The following CLASRP variants were observed in gnomAD, a reference collection of about 807,000 sequenced individuals.
The protein encoded by CLASRP is CLK4 associating serine/arginine rich protein.
Under a neutral mutation model 99.9 loss-of-function variants are expected in CLASRP, and 52 were observed. That is an observed-to-expected ratio of 0.52 (90% confidence interval 0.42 to 0.66). CLASRP has a LOEUF of 0.66. Among genes scored for constraint, CLASRP ranks in the 30% least tolerant of loss-of-function variants. The probability of loss-of-function intolerance (pLI) is 0.00; values close to 1 mark genes in which losing one functional copy is unlikely to be tolerated. For missense variants in CLASRP, 848 were observed against 999.2 expected, an observed-to-expected ratio of 0.85 and a Z score of 2.04; for synonymous variants, 379 against 373.0, an observed-to-expected ratio of 1.02 and a Z score of -0.18.
rs1271379783 is a variant in CLASRP, at chr19:45,060,065, C to A, written c.711-324C>A. Among the ~76,000 whole-genome samples the A allele has an allele frequency of 1.3e-5, 2 of 152,158 alleles. No individual in the cohort carries two copies. Among genetic ancestry groups the A allele is most frequent in the African/African-American group, 4.8e-5 (2 of 41,442 alleles). On this transcript the variant is annotated intron_variant, in intron 8 of 20. Transcript: ENST00000221455. The surrounding 1 kb of genome is among the most constrained non-coding windows in gnomAD (Gnocchi z 4.6). ...CTGTTTTGTGTGGCTTCCCTGAGCT[C>A]CCTCTTGAAAACTGCAGCTTCCTCT...
intron 13 of CLASRP, among the ~76,000 whole-genome samples, chr19:45,065,067 G>A (rs183896746): frequency 2.0e-5 from 3 of 152,106 alleles, no homozygotes. Flanking sequence ...GGCCAGGAGC[G>A]GATGGGGAAG....
chr19:45,070,109 G>A lies in CLASRP; in HGVS notation c.1957+5G>A. On this transcript the variant is annotated splice_donor_5th_base_variant and intron_variant, in intron 19 of 20. Coordinates refer to ENST00000221455, the MANE Select transcript of CLASRP (RefSeq NM_007056.3). ...GCTCACCCTCCCCCCGATACAGTGA[G>A]TGTCCCCACCAGGCTGCAGGGCTCT... 1.3e-6 allele frequency: 2 copies of A among 1,544,922 alleles called. No homozygotes were observed. Among genetic ancestry groups the A allele is most frequent in the Non-Finnish European group, 1.8e-6 (2 of 1,116,862 alleles).
At chr19:45,061,404 C>T (rs1376558664) in intron 10 of CLASRP, among the ~76,000 whole-genome samples, 3 of 151,962 alleles carry the variant, frequency 2.0e-5, no homozygotes, top group Non-Finnish European at 2.9e-5. Context: ...TTATGAGCTA[C>T]GTAATGCTGG....
Position 45,057,831 on chromosome 19 carries a change from AGAG to A in CLASRP, c.556_558del (p.Glu186del), listed in dbSNP as rs1410009723. The A allele has an allele frequency of 1.2e-6, 2 of 1,613,950 alleles. No homozygotes were observed. Among genetic ancestry groups the A allele is most frequent in the Admixed American group, 1.7e-5 (1 of 59,992 alleles). ...AGGTAGAGAAGGCGGCAGAAAAGCCAGAGGAGGAGGAGTCAGCGGCCGAGGAGG... is the reference window on the plus strand; with the variant it reads ...AGGTAGAGAAGGCGGCAGAAAAGCCAGAGGAGGAGTCAGCGGCCGAGGAGG... On this transcript the variant is annotated inframe_deletion, in exon 7 of 21. Transcript: ENST00000221455.
intron 15 of CLASRP, 100 bp from the exon 16 acceptor site, chr19:45,068,320 C>CT: frequency 1.6e-6 from 1 of 622,660 alleles, no homozygotes; most frequent in Non-Finnish European, 2.9e-6. Context: ...CTCCCCCCCC[C>CT]ACCCCCCCCC....
intron 2 of CLASRP, among the ~76,000 whole-genome samples, chr19:45,046,441 C>G (rs1007615129): frequency 6.6e-6 from 1 of 152,184 alleles, no homozygotes; most frequent in South Asian, 2.1e-4. Flanking sequence ...GGTCGCAGCT[C>G]AGGCGTCGCC....
chr19:45,061,224 G>A (rs556171081), intron 10 of CLASRP, among the ~76,000 whole-genome samples: 1 of 152,268 alleles, frequency 6.6e-6, no homozygotes, highest in East Asian at 1.9e-4. Context: ...GAGAGTTCCT[G>A]TAAGGCTTAA....
Position 45,070,873 on chromosome 19 carries a change from A to AAG in CLASRP, c.*28_*29insAG. ...AGAAGAGTGGGGGGTGGGGAGGACAAGGGGGTGGGTAAGGGGCTCAAGCTG... is the reference window on the plus strand; with the variant it reads ...AGAAGAGTGGGGGGTGGGGAGGACAAAGGGGGGTGGGTAAGGGGCTCAAGCTG... On this transcript the variant is annotated 3_prime_UTR_variant, in exon 21 of 21. Transcript: ENST00000221455. 1.3e-5 allele frequency: 8 copies of AAG among 609,036 alleles called. No homozygotes were observed. Among genetic ancestry groups the AAG allele is most frequent in the Non-Finnish European group, 2.0e-5 (7 of 341,556 alleles). 37.7% of individuals were successfully genotyped at this position (609,036 alleles called of 1,614,324 possible).
At position 45,064,573 on chromosome 19, in the gene CLASRP, A is replaced by G; in HGVS notation, c.1352A>G (p.His451Arg). ...TCAGGTGGGGGCTCCCGAGACGGAC[A>G]CCGGTACTCCCGCTCGCCCGCCCGG... ...RHSGGGSRDG[H>R]RYSRSPARRG... Residue 451 changes from histidine to arginine, a missense_variant, in exon 13 of 21, where the codon CAC (histidine) becomes CGC (arginine). Coordinates refer to ENST00000221455, the MANE Select transcript of CLASRP (RefSeq NM_007056.3). 1.3e-6 allele frequency: 2 copies of G among 1,541,570 alleles called. No individual in the cohort carries two copies. Among genetic ancestry groups the G allele is most frequent in the East Asian group, 2.4e-5 (1 of 41,126 alleles).
At chr19:45,047,161 G>T (rs886550630) in intron 2 of CLASRP, among the ~76,000 whole-genome samples, 2 of 151,938 alleles carry the variant, frequency 1.3e-5, no homozygotes, top group Non-Finnish European at 2.9e-5. Flanking sequence ...AGAAAATGTG[G>T]TCTCTACACA....
At chr19:45,044,271 G>A (rs920093060) in intron 2 of CLASRP, among the ~76,000 whole-genome samples, 22 of 152,248 alleles carry the variant, frequency 1.4e-4, no homozygotes, top group African/African-American at 4.6e-4. Flanking sequence ...TGCGAGGTAG[G>A]TATTGATCAT....
chr19:45,044,471 A>AT (rs1971877265), intron 2 of CLASRP, among the ~76,000 whole-genome samples: 1 of 152,172 alleles, frequency 6.6e-6, no homozygotes, highest in African/African-American at 2.4e-5. Context: ...TTACAGTCAC[A>AT]TAGCATGAGG....
At chr19:45,061,026 TGGAAAACAA>T (rs1966927731) in intron 10 of CLASRP, among the ~76,000 whole-genome samples, 1 of 152,160 alleles carries the variant, frequency 6.6e-6, no homozygotes, top group Non-Finnish European at 1.5e-5. Context: ...TTTTTTCCTT[TGGAAAACAA>T]GGCATTATCA....
At chr19:45,070,733 G>A in intron 20 of CLASRP, 70 bp from the exon 21 acceptor site, 1 of 1,393,176 alleles carries the variant, frequency 7.2e-7, no homozygotes, top group African/African-American at 1.4e-5. Flanking sequence ...GATCACTGAA[G>A]CATCCACGGC....
chr19:45,040,520 T>C, intron 2 of CLASRP: 1 of 465,168 alleles, frequency 2.1e-6, no homozygotes, highest in East Asian at 4.0e-5. Flanking sequence ...TGGTGTGGCC[T>C]CCCAGTGCCG....
At position 45,049,689 on chromosome 19, in the gene CLASRP, A is replaced by C. The variant is rs1164083514; in HGVS notation, c.100-2382A>C. On this transcript the variant is annotated intron_variant, in intron 2 of 20. Coordinates refer to ENST00000221455, the MANE Select transcript of CLASRP (RefSeq NM_007056.3). ...GTGTTTTTTTCCTGAAGGGGCTCAG[A>C]GTCTTCATCTGTTAGTAAGGATTAT... Among the ~76,000 whole-genome samples, 3 of 152,096 alleles carry C rather than the reference A, an allele frequency of 2.0e-5. No homozygotes were observed. In the East Asian group the frequency reaches 5.8e-4, roughly 29 times the overall value.
chr19:45,046,508 GC>G (rs1376382942), intron 2 of CLASRP, among the ~76,000 whole-genome samples: 1 of 152,180 alleles, frequency 6.6e-6, no homozygotes, highest in Non-Finnish European at 1.5e-5. Flanking sequence ...CCCCCTGTGG[GC>G]CCCCATCTCA....
intron 15 of CLASRP, 97 bp from the exon 16 acceptor site, chr19:45,068,323 C>CT: frequency 3.5e-6 from 2 of 568,522 alleles, no homozygotes; most frequent in Non-Finnish European, 6.2e-6. Context: ...CCCCCCCCAC[C>CT]CCCCCCCCGC....
chr19:45,064,770 C>G, intron 13 of CLASRP, 140 bp downstream of exon 13: 1 of 1,410,594 alleles, frequency 7.1e-7, no homozygotes, highest in Non-Finnish European at 9.3e-7. Flanking sequence ...CAGGCCACTG[C>G]TCTTCCGCAG....
Sources: allele counts gnomAD v4.1 joint callset (sites outside exome capture counted in the v4.1 genomes callset), GRCh38; gene constraint gnomAD v4.1.1; non-coding constraint Gnocchi (gnomAD v3.1); transcripts MANE v1.5; gene names NCBI Gene and HGNC (gene_info 2026-07-23, HGNC 2026-07-21).